The following ZNF627 variants were observed in gnomAD, a reference collection of about 807,000 sequenced individuals.
ZNF627 encodes zinc finger protein 627.
In ZNF627, 12 loss-of-function variants were observed where a neutral mutation model predicts 10.6. The ratio of observed to expected loss-of-function variants is 1.13; its 90% CI spans 0.73 to 1.84. The LOEUF (loss-of-function observed/expected upper bound fraction) is 1.84, where lower values mean the gene tolerates loss of function less well. ZNF627 is among the 40% of genes most tolerant of loss of function. The pLI is 0.00. For synonymous variants in ZNF627, 176 were observed against 187.1 expected, an observed-to-expected ratio of 0.94 and a Z score of 0.48; for missense variants, 504 against 568.4, an observed-to-expected ratio of 0.89 and a Z score of 1.15.
Position 11,613,847 on chromosome 19 carries a change from A to G in ZNF627, c.4-680A>G, listed in dbSNP as rs149972650. 7.8e-4 allele frequency among the ~76,000 whole-genome samples: 119 copies of G among 152,186 alleles called. 1 individual carries two copies. The highest frequency in any genetic ancestry group is 2.7e-3 in the African/African-American group (112 of 41,506). On this transcript the variant is annotated intron_variant, in intron 1 of 3. Transcript: ENST00000361113. ...TGTCAAAGCTCAAACTTTGTGAACA[A>G]GCATTTCTAAAGATACACAGTCTCA...
intron 1 of ZNF627, among the ~76,000 whole-genome samples, chr19:11,609,223 A>G (rs1973723446): frequency 6.6e-6 from 1 of 151,982 alleles, no homozygotes; most frequent in Non-Finnish European, 1.5e-5. Context: ...TACCATCTTA[A>G]GCATTTTTGT....
intron 3 of ZNF627, among the ~76,000 whole-genome samples, chr19:11,616,019 A>G (rs918163726): frequency 4.7e-5 from 7 of 150,228 alleles, no homozygotes; most frequent in African/African-American, 1.5e-4. Flanking sequence ...ACACCTGGCC[A>G]TGAATATCAT....
At chr19:11,614,235 C>T (rs1250770121) in intron 1 of ZNF627, among the ~76,000 whole-genome samples, 1 of 152,116 alleles carries the variant, frequency 6.6e-6, no homozygotes, top group Non-Finnish European at 1.5e-5. Flanking sequence ...ATGTTTGTTA[C>T]AACAGGTGCT....
intron 1 of ZNF627, among the ~76,000 whole-genome samples, chr19:11,605,744 C>T (rs1259488209): frequency 6.6e-6 from 1 of 152,058 alleles, no homozygotes; most frequent in Non-Finnish European, 1.5e-5. Context: ...ATCATTCCAC[C>T]CCCAGCCCCT....
At chr19:11,605,466 G>A (rs1024603601) in intron 1 of ZNF627, among the ~76,000 whole-genome samples, 5 of 151,970 alleles carry the variant, frequency 3.3e-5, no homozygotes, top group African/African-American at 1.2e-4. Context: ...TGGCTGGGGA[G>A]GCCTCAGGAA....
chr19:11,602,005 CAAAA>C (rs67176670), intron 1 of ZNF627, among the ~76,000 whole-genome samples: 2 of 53,766 alleles, frequency 3.7e-5, no homozygotes, highest in Non-Finnish European at 7.3e-5. Flanking sequence ...GACTCTGTCT[CAAAA>C]AAAAAAAAAA....
chr19:11,617,096 A>T lies in ZNF627; in HGVS notation c.593A>T (p.Lys198Met). 1 of 1,614,140 alleles carries T rather than the reference A, an allele frequency of 6.2e-7. No individual in the cohort carries two copies. Reference sequence around the variant, plus strand: ...AGGGGAGGTGTACCTTACAAATGTAAGGTGTGTGGGAAAGCCTTTGATTAT... The same window carrying T: ...AGGGGAGGTGTACCTTACAAATGTATGGTGTGTGGGAAAGCCTTTGATTAT... ...THRGGVPYKC[K>M]VCGKAFDYPS... is the part of the protein sequence containing the mutation. The change falls in exon 4 of 4, where the codon AAG becomes ATG. Residue 198 changes from lysine to methionine, a missense_variant. Physicochemically the swap from Lys to Met is moderately conservative, Grantham distance 95. Coordinates refer to ENST00000361113, the MANE Select transcript of ZNF627 (RefSeq NM_145295.4).
chr19:11,610,718 T>C (rs1973759528), intron 1 of ZNF627, among the ~76,000 whole-genome samples: 1 of 152,216 alleles, frequency 6.6e-6, no homozygotes, highest in South Asian at 2.1e-4. Flanking sequence ...ACTGTCCATT[T>C]GTATTGATTT....
Position 11,614,517 on chromosome 19 carries a change from G to GA in ZNF627, c.4-9dup. 1 of 1,613,792 alleles carries GA rather than the reference G, an allele frequency of 6.2e-7. No individual in the cohort carries two copies. On this transcript the variant is annotated splice_polypyrimidine_tract_variant and intron_variant, in intron 1 of 3. Transcript: ENST00000361113. ...CAACCTTCCTCCTCCACACATGGGG[G>GA]ATGTTTCAGGATTCAGTGGCCTTTG...
Position 11,610,513 on chromosome 19 carries a change from G to A in ZNF627, c.4-4014G>A, listed in dbSNP as rs138987840. On this transcript the variant is annotated intron_variant, in intron 1 of 3. Transcript: ENST00000361113. ...GTTACTATGGAGGCTGAGGTGGGAG[G>A]ATCATCTGAGCCTAGGGAGGTCGAG... 6.6e-4 allele frequency among the ~76,000 whole-genome samples: 100 copies of A among 152,182 alleles called. 2 individuals carry two copies. Among genetic ancestry groups the A allele is most frequent in the African/African-American group, 2.2e-3 (92 of 41,522 alleles).
intron 1 of ZNF627, among the ~76,000 whole-genome samples, chr19:11,608,988 C>T (rs1973719865): frequency 6.6e-6 from 1 of 152,128 alleles, no homozygotes; most frequent in Admixed American, 6.6e-5. Context: ...CCTCCTGCCT[C>T]AGCCTCCTGT....
At chr19:11,609,735 G>A (rs1973740860) in intron 1 of ZNF627, among the ~76,000 whole-genome samples, 1 of 151,892 alleles carries the variant, frequency 6.6e-6, no homozygotes, top group Admixed American at 6.6e-5. Flanking sequence ...GACCAGGCTG[G>A]CCTCTAACTC....
intron 1 of ZNF627, 123 bp from the exon 2 acceptor site, chr19:11,614,404 C>T (rs1245588599): frequency 3.4e-6 from 5 of 1,472,528 alleles, no homozygotes; most frequent in Non-Finnish European, 3.7e-6. Context: ...AGTTTGATGA[C>T]TGTGGAATCT....
chr19:11,608,623 A>G (rs1383160112), intron 1 of ZNF627, among the ~76,000 whole-genome samples: 1 of 152,142 alleles, frequency 6.6e-6, no homozygotes, highest in Non-Finnish European at 1.5e-5. Flanking sequence ...GTATGTGCTT[A>G]TTGGCCATTT....
Position 11,617,088 on chromosome 19 carries a change from C to G in ZNF627, c.585C>G (p.Tyr195Ter). 6.2e-7 allele frequency: 1 copy of G among 1,614,036 alleles called. No homozygotes were observed. Among genetic ancestry groups the G allele is most frequent in the Non-Finnish European group, 8.5e-7 (1 of 1,180,028 alleles). The part of the protein sequence containing the change: ...HMLTHRGGVP[Y>*]KCKVCGKAFD... Reference sequence around the variant, plus strand: ...TAACGCATAGGGGAGGTGTACCTTACAAATGTAAGGTGTGTGGGAAAGCCT... The same window carrying G: ...TAACGCATAGGGGAGGTGTACCTTAGAAATGTAAGGTGTGTGGGAAAGCCT... The change falls in exon 4 of 4, where the codon TAC becomes TAG. Residue 195 changes from tyrosine (Y) to a stop codon, truncating the protein, a stop_gained. Coordinates refer to ENST00000361113, the MANE Select transcript of ZNF627 (RefSeq NM_145295.4). LOFTEE classifies it low-confidence loss of function (END_TRUNC).
intron 1 of ZNF627, among the ~76,000 whole-genome samples, chr19:11,612,323 T>C (rs1378249832): frequency 2.6e-5 from 4 of 151,210 alleles, no homozygotes; most frequent in Non-Finnish European, 5.9e-5. Flanking sequence ...GGTTTCACTG[T>C]GTTAGCCAGG....
intron 1 of ZNF627, among the ~76,000 whole-genome samples, chr19:11,604,766 A>G (rs1242034338): frequency 6.6e-6 from 1 of 152,198 alleles, no homozygotes; most frequent in Admixed American, 6.5e-5. Context: ...GCAGTGAGTC[A>G]TGACAGCTGT....
intron 1 of ZNF627, among the ~76,000 whole-genome samples, chr19:11,608,702 CT>C (rs968074667): frequency 2.6e-4 from 40 of 151,730 alleles, no homozygotes; most frequent in Non-Finnish European, 4.6e-4. Flanking sequence ...TTTATTTTCA[CT>C]TTTTTTTGGA....
intron 1 of ZNF627, among the ~76,000 whole-genome samples, chr19:11,609,910 G>A (rs192099297): frequency 2.0e-5 from 3 of 152,046 alleles, no homozygotes; most frequent in Admixed American, 6.6e-5. Context: ...TAGTTAAGGC[G>A]GTTGCTTAAA....
Sources: gnomAD v4.1 joint callset for allele counts (sites outside exome capture counted in the v4.1 genomes callset) on GRCh38, gnomAD v4.1.1 for gene constraint, MANE v1.5 for transcripts, NCBI Gene and HGNC (gene_info 2026-07-23, HGNC 2026-07-21) for gene names.